ACSM2B: variants seen among roughly 807,000 people sequenced by gnomAD.
ACSM2B encodes the protein acyl-CoA synthetase medium chain family member 2B, also known as acyl-coenzyme A synthetase ACSM2B, mitochondrial.
Under a neutral mutation model 78.6 loss-of-function variants are expected in ACSM2B, and 58 were observed. The ratio of observed to expected loss-of-function variants is 0.74; its 90% CI spans 0.60 to 0.92. The LOEUF (loss-of-function observed/expected upper bound fraction) is 0.92. Among genes scored for constraint, ACSM2B ranks in the 40% least tolerant of loss-of-function variants. The pLI, the probability that ACSM2B is intolerant of heterozygous loss-of-function variation, is 0.00. For synonymous variants in ACSM2B, 257 were observed against 256.8 expected, an observed-to-expected ratio of 1.00 and a Z score of -0.01; for missense variants, 688 against 711.2, an observed-to-expected ratio of 0.97 and a Z score of 0.37.
chr16:20,574,849 G>C (rs370425351), intron 1 of ACSM2B, among the ~76,000 whole-genome samples: 1 of 150,842 alleles, frequency 6.6e-6, no homozygotes, highest in East Asian at 1.9e-4. Flanking sequence ...CTCAGTATCT[G>C]CTTCTGAAGC....
intron 13 of ACSM2B, among the ~76,000 whole-genome samples, chr16:20,539,083 C>A (rs575218035): frequency 6.6e-6 from 1 of 151,556 alleles, no homozygotes; most frequent in East Asian, 1.9e-4. Context: ...CTTAGGACAA[C>A]ACTGAAAGGT....
intron 1 of ACSM2B, among the ~76,000 whole-genome samples, chr16:20,567,181 T>C (rs1341908539): frequency 7.5e-6 from 1 of 133,014 alleles, no homozygotes; most frequent in African/African-American, 2.8e-5. Flanking sequence ...TATAATACTA[T>C]TATAACATAT....
At chr16:20,556,287 T>A (rs1207657951) in intron 3 of ACSM2B, among the ~76,000 whole-genome samples, 6 of 152,234 alleles carry the variant, frequency 3.9e-5, no homozygotes, top group Non-Finnish European at 8.8e-5. Flanking sequence ...CTCCTTTGAT[T>A]TTTAAAATCT....
At chr16:20,564,229 G>GTGCT (rs1192197258) in intron 2 of ACSM2B, among the ~76,000 whole-genome samples, 1 of 152,022 alleles carries the variant, frequency 6.6e-6, no homozygotes, top group East Asian at 1.9e-4. Flanking sequence ...GAGTAGCTAG[G>GTGCT]ACTGCAGGTA....
intron 2 of ACSM2B, 78 bp from the exon 3 acceptor site, chr16:20,559,525 C>A: frequency 6.5e-7 from 1 of 1,531,280 alleles, no homozygotes; most frequent in Non-Finnish European, 8.8e-7. Flanking sequence ...CTTGGGATTG[C>A]CAAGCTGGTG....
chr16:20,540,331 C>T (rs986674356), intron 13 of ACSM2B, among the ~76,000 whole-genome samples: 3 of 151,614 alleles, frequency 2.0e-5, no homozygotes. Context: ...TAACCTACAC[C>T]TCCCAGATTC....
At position 20,546,662 on chromosome 16, in the gene ACSM2B, A is replaced by C. The variant is rs1377965633; in HGVS notation, c.1099-188T>G. 12 of 1,136,516 alleles carry C rather than the reference A, an allele frequency of 1.1e-5. 1 individual carries two copies. The highest frequency in any genetic ancestry group is 1.4e-5 in the Non-Finnish European group (12 of 858,762). The allele number at this position is 1,136,516 out of a possible 1,614,324, so 70.4% of individuals were successfully genotyped here. ...ATCACAATCCTAGGGGCCTCACTAA[A>C]TTGTTTGTTCAGGAAGCAACCCATC... is the stretch of plus-strand genomic sequence containing the variant. On this transcript the variant is annotated intron_variant, in intron 8 of 13. Coordinates refer to ENST00000329697, the MANE Select transcript of ACSM2B (RefSeq NM_001105069.2).
At chr16:20,546,566 T>C (rs2152134246) in intron 8 of ACSM2B, 92 bp from the exon 9 acceptor site, 1 of 1,489,886 alleles carries the variant, frequency 6.7e-7, no homozygotes, top group African/African-American at 1.4e-5. Flanking sequence ...GTCCTGACAC[T>C]GTCCTGAACT....
At chr16:20,546,641 C>A (rs2015150931) in intron 8 of ACSM2B, 167 bp from the exon 9 acceptor site, 4 of 1,270,528 alleles carry the variant, frequency 3.1e-6, no homozygotes, top group Admixed American at 3.2e-5. Flanking sequence ...ACTGGAATCA[C>A]AATCCTAGGG....
chr16:20,551,786 T>C (rs2015317041), intron 6 of ACSM2B, among the ~76,000 whole-genome samples: 1 of 152,094 alleles, frequency 6.6e-6, no homozygotes, highest in Non-Finnish European at 1.5e-5. Context: ...CACACACTCA[T>C]GAGAGCGAGA....
In ACSM2B at chr16:20,555,405, C is replaced by A. The variant is rs753290502; in HGVS notation, c.460G>T (p.Ala154Ser). The change falls in exon 4 of 14, where the codon GCC becomes TCC. Residue 154 changes from alanine to serine, a missense_variant. Coordinates refer to ENST00000329697, the MANE Select transcript of ACSM2B (RefSeq NM_001105069.2). ...TCATCCCCAGCAACAATAGCCTTGG[C>A]CTTAGACATCTGCAACCTATACAGT... ...DILYRLQMSK[A>S]KAIVAGDEVI... The A allele has an allele frequency of 2.4e-5, 38 of 1,613,790 alleles. No homozygotes were observed. The highest frequency in any genetic ancestry group is 2.9e-5 in the Non-Finnish European group (34 of 1,179,856).
At position 20,536,909 on chromosome 16, in the gene ACSM2B, C is replaced by T. The variant is rs1223670297; in HGVS notation, c.*349G>A. ...AATTATTTTTCTTCTATCTTTTCTC[C>T]CCCTTTCATCTCCTCTTTCCTTTCT... is the stretch of plus-strand genomic sequence containing the variant. On this transcript the variant is annotated 3_prime_UTR_variant, in exon 14 of 14. Coordinates refer to ENST00000329697, the MANE Select transcript of ACSM2B (RefSeq NM_001105069.2). The T allele has an allele frequency of 3.8e-5, 7 of 181,912 alleles. No individual in the cohort carries two copies. The highest frequency in any genetic ancestry group is 5.6e-5 in the Non-Finnish European group (5 of 89,260). The allele number at this position is 181,912 out of a possible 1,614,324, so 11.3% of individuals were successfully genotyped here.
At position 20,536,596 on chromosome 16, in the gene ACSM2B, T is replaced by G. The variant is rs1175518609; in HGVS notation, c.*662A>C. ...TCCTAGGGTAAAAGAAAGTACCACTTCTTTTCCTTTCATTTCCTTCTCAAG... is the reference window on the plus strand; with the variant it reads ...TCCTAGGGTAAAAGAAAGTACCACTGCTTTTCCTTTCATTTCCTTCTCAAG... On this transcript the variant is annotated 3_prime_UTR_variant, in exon 14 of 14. Transcript: ENST00000329697. The G allele has an allele frequency of 2.6e-5, 4 of 152,112 alleles. No individual in the cohort carries two copies. The East Asian group carries it at 7.7e-4, about 29-fold the overall frequency. The allele number at this position is 152,112 out of a possible 1,614,324, so 9.4% of individuals were successfully genotyped here.
At chr16:20,542,614 C>A in intron 12 of ACSM2B, 1 of 369,544 alleles carries the variant, frequency 2.7e-6, no homozygotes, top group East Asian at 5.0e-5. Context: ...GGATAAATAC[C>A]CAGTAGTGGG....
chr16:20,566,625 C>T (rs1196107964), intron 1 of ACSM2B, among the ~76,000 whole-genome samples: 2 of 58,194 alleles, frequency 3.4e-5, no homozygotes, highest in South Asian at 6.9e-4. Flanking sequence ...AGTATATATA[C>T]TATATATAGT....
At position 20,552,297 on chromosome 16, in the gene ACSM2B, A is replaced by G; in HGVS notation, c.741T>C (p.Gly247=). 1.9e-6 allele frequency: 3 copies of G among 1,607,244 alleles called. No homozygotes were observed. The highest frequency in any genetic ancestry group is 8.5e-7 in the Non-Finnish European group (1 of 1,177,560). The change falls in exon 6 of 14, where the codon GGT becomes GGC. Residue 247 remains glycine, a splice_region_variant and synonymous_variant. Transcript: ENST00000329697. ...TATCAGAGGCTTGCAGGCCTGTCCA[A>G]CTGAAAACACAGACAAAACACATGT... ...SLGLKAKMDA[G]WTGLQASDIM... is the part of the protein sequence containing the mutation.
chr16:20,568,586 A>G (rs922164212), intron 1 of ACSM2B, among the ~76,000 whole-genome samples: 1 of 151,586 alleles, frequency 6.6e-6, no homozygotes, highest in Non-Finnish European at 1.5e-5. Context: ...GTAGATACCC[A>G]GTAGTGGGAT....
intron 6 of ACSM2B, chr16:20,549,643 A>G (rs550021854): frequency 8.3e-5 from 28 of 336,040 alleles, no homozygotes; most frequent in South Asian, 6.4e-4. Context: ...TGAGCCAAAC[A>G]TGAGTAACCA....
In ACSM2B at chr16:20,564,660, T is replaced by C. The variant is rs749238197; in HGVS notation, c.177+9A>G. ...TGTCTCACTCTGTGCCTCTTTTCCATCCCATTACCTTCTCCATGTCAGCCC... is the reference window on the plus strand; with the variant it reads ...TGTCTCACTCTGTGCCTCTTTTCCACCCCATTACCTTCTCCATGTCAGCCC... On this transcript the variant is annotated intron_variant, in intron 2 of 13. Coordinates refer to ENST00000329697, the MANE Select transcript of ACSM2B (RefSeq NM_001105069.2). 98 of 1,613,440 alleles carry C rather than the reference T, an allele frequency of 6.1e-5. No homozygotes were observed. Among genetic ancestry groups the C allele is most frequent in the African/African-American group, 4.1e-4 (31 of 74,970 alleles).
Sources: allele counts gnomAD v4.1 joint callset (sites outside exome capture counted in the v4.1 genomes callset), GRCh38; gene constraint gnomAD v4.1.1; transcripts MANE v1.5; gene names NCBI Gene and HGNC (gene_info 2026-07-23, HGNC 2026-07-21).